AOPEP: variants seen among roughly 807,000 people sequenced by gnomAD.
AOPEP encodes the protein aminopeptidase O.
AOPEP carries 77 observed loss-of-function variants against 98.1 expected under a neutral mutation model. The ratio of observed to expected loss-of-function variants is 0.78; its 90% CI spans 0.65 to 0.95. The LOEUF (loss-of-function observed/expected upper bound fraction) is 0.95, where lower values mean the gene tolerates loss of function less well. AOPEP is among the 40% of genes least tolerant of loss of function. The probability of loss-of-function intolerance (pLI) is 0.00; values close to 1 mark genes in which losing one functional copy is unlikely to be tolerated. For missense variants in AOPEP, 1,024 were observed against 1,024.7 expected, an observed-to-expected ratio of 1.00 and a Z score of 0.01; for synonymous variants, 346 against 365.3, an observed-to-expected ratio of 0.95 and a Z score of 0.60.
chr9:95,006,059 T>C, intron 13 of AOPEP: 2 of 472,486 alleles, frequency 4.2e-6, no homozygotes, highest in South Asian at 3.1e-5. Context: ...GGATTACTTT[T>C]AAAACACTAG....
intron 1 of AOPEP, among the ~76,000 whole-genome samples, chr9:94,755,590 A>C (rs577641896): frequency 6.6e-6 from 1 of 152,348 alleles, no homozygotes; most frequent in East Asian, 1.9e-4. Flanking sequence ...TGCCCCCCAA[A>C]GCTATTACAA....
chr9:94,958,896 T>C (rs563367271), intron 9 of AOPEP, among the ~76,000 whole-genome samples: 1 of 152,318 alleles, frequency 6.6e-6, no homozygotes, highest in East Asian at 1.9e-4. Flanking sequence ...CCAATGTATC[T>C]ATTTTCTCTT....
chr9:94,981,809 T>C (rs1473171657), intron 11 of AOPEP, among the ~76,000 whole-genome samples: 2 of 152,214 alleles, frequency 1.3e-5, no homozygotes, highest in African/African-American at 4.8e-5. Flanking sequence ...AATTTCTGTC[T>C]ACCAGCAATT....
At chr9:95,062,546 G>A (rs2067417116) in intron 14 of AOPEP, among the ~76,000 whole-genome samples, 1 of 152,174 alleles carries the variant, frequency 6.6e-6, no homozygotes, top group Non-Finnish European at 1.5e-5. Context: ...CTGCCATCCC[G>A]GTCTGTCCCT....
At chr9:94,797,127 A>G (rs1472179844) in intron 4 of AOPEP, among the ~76,000 whole-genome samples, 1 of 152,210 alleles carries the variant, frequency 6.6e-6, no homozygotes, top group East Asian at 1.9e-4. Context: ...ATGGAAGACT[A>G]TTACTTTGTA....
intron 11 of AOPEP, among the ~76,000 whole-genome samples, chr9:95,003,367 A>G (rs1242957208): frequency 6.6e-6 from 1 of 152,144 alleles, no homozygotes; most frequent in Non-Finnish European, 1.5e-5. Context: ...ATGTTGAAAA[A>G]CTGTATTTAA....
At chr9:94,746,050 T>C (rs1276128844) in intron 1 of AOPEP, among the ~76,000 whole-genome samples, 2 of 152,232 alleles carry the variant, frequency 1.3e-5, no homozygotes, top group South Asian at 2.1e-4. Flanking sequence ...GCCTCTTTCA[T>C]TGAACTCTTT....
At chr9:94,782,832 T>C (rs964644458) in intron 3 of AOPEP, among the ~76,000 whole-genome samples, 1 of 152,204 alleles carries the variant, frequency 6.6e-6, no homozygotes, top group Non-Finnish European at 1.5e-5. Flanking sequence ...GTCAGTTAAT[T>C]CTTTTGTTTT....
chr9:94,972,835 A>G lies in AOPEP; in HGVS notation c.1916+5034A>G, dbSNP rs2138499309. ...GTGTCTGTAGTCTCAGCTACTCGGG[A>G]GGCTGAGGTGGGAGGATGGCTTGAG... On this transcript the variant is annotated intron_variant, in intron 10 of 16. Transcript: ENST00000375315. The surrounding 1 kb of genome is among the most constrained non-coding windows in gnomAD (Gnocchi z 4.2). Among the ~76,000 whole-genome samples, 1 of 152,182 alleles carries G rather than the reference A, an allele frequency of 6.6e-6. No individual in the cohort carries two copies. The highest frequency in any genetic ancestry group is 1.9e-4 in the East Asian group (1 of 5,180).
At chr9:94,998,547 T>C (rs1020583788) in intron 11 of AOPEP, among the ~76,000 whole-genome samples, 2 of 152,216 alleles carry the variant, frequency 1.3e-5, no homozygotes, top group African/African-American at 4.8e-5. Flanking sequence ...TAGAAGTTGA[T>C]AAATAACAAC....
At chr9:94,785,524 A>G (rs1844240343) in intron 3 of AOPEP, among the ~76,000 whole-genome samples, 1 of 152,216 alleles carries the variant, frequency 6.6e-6, no homozygotes, top group South Asian at 2.1e-4. Flanking sequence ...GGAGGTCAGA[A>G]GTCCAGCTTT....
chr9:94,839,516 C>A (rs567782902), intron 5 of AOPEP, among the ~76,000 whole-genome samples: 9 of 152,088 alleles, frequency 5.9e-5, no homozygotes, highest in Non-Finnish European at 1.2e-4. Flanking sequence ...AGCCACTACA[C>A]CCGGCCTATA....
chr9:95,110,062 A>G, the AOPEP span, among the ~76,000 whole-genome samples: 1 of 152,184 alleles, frequency 6.6e-6, no homozygotes, highest in Non-Finnish European at 1.5e-5. Context: ...AATGGGGGGA[A>G]GGGAAATGGA....
intron 14 of AOPEP, 113 bp downstream of exon 14, chr9:95,060,923 CAT>C: frequency 2.7e-6 from 2 of 736,036 alleles, no homozygotes; most frequent in South Asian, 1.5e-5. Context: ...AGCAAAATCT[CAT>C]GTGTTTGCTG....
At chr9:95,129,773 C>T in the AOPEP span, among the ~76,000 whole-genome samples, 1 of 152,112 alleles carries the variant, frequency 6.6e-6, no homozygotes, top group South Asian at 2.1e-4. Flanking sequence ...TCCTTCCCTC[C>T]TTATCTCCCC....
At chr9:94,757,563 G>A (rs1465773465) in intron 1 of AOPEP, among the ~76,000 whole-genome samples, 1 of 152,180 alleles carries the variant, frequency 6.6e-6, no homozygotes, top group Non-Finnish European at 1.5e-5. Context: ...CTGCTCTGTA[G>A]AATATATTTT....
the AOPEP span, among the ~76,000 whole-genome samples, chr9:95,122,044 G>C: frequency 6.6e-6 from 1 of 151,788 alleles, no homozygotes; most frequent in African/African-American, 2.4e-5. Flanking sequence ...ATTTTTAGTA[G>C]AGACAGGGTT....
At chr9:94,749,542 C>A (rs930010040) in intron 1 of AOPEP, among the ~76,000 whole-genome samples, 1 of 152,056 alleles carries the variant, frequency 6.6e-6, no homozygotes, top group Non-Finnish European at 1.5e-5. Context: ...ATTATTTGTC[C>A]CAAAAGTACC....
intron 1 of AOPEP, among the ~76,000 whole-genome samples, chr9:94,727,283 A>T (rs957279649): frequency 2.0e-5 from 3 of 152,110 alleles, no homozygotes; most frequent in Non-Finnish European, 1.5e-5. Context: ...TTGTTCATGA[A>T]CGCATGCATG....
Sources: allele counts gnomAD v4.1 joint callset (sites outside exome capture counted in the v4.1 genomes callset), GRCh38; gene constraint gnomAD v4.1.1; non-coding constraint Gnocchi (gnomAD v3.1); transcripts MANE v1.5; gene names NCBI Gene and HGNC (gene_info 2026-07-23, HGNC 2026-07-21).